Variants in ZNF680 observed in about 807,000 individuals in gnomAD.
ZNF680 encodes zinc finger protein 680.
In ZNF680, 6 loss-of-function variants were observed where a neutral mutation model predicts 12.1. The observed-to-expected ratio is 0.49, with a 90% CI of 0.27 to 0.98. The LOEUF (loss-of-function observed/expected upper bound fraction) is 0.98, where lower values mean the gene tolerates loss of function less well. Ranked by LOEUF, ZNF680 falls within the 50% of genes least tolerant of loss-of-function variation. The probability of loss-of-function intolerance (pLI) is 0.12; values close to 1 mark genes in which losing one functional copy is unlikely to be tolerated. For synonymous variants in ZNF680, 170 were observed against 199.3 expected, an observed-to-expected ratio of 0.85 and a Z score of 1.24; for missense variants, 561 against 616.3, an observed-to-expected ratio of 0.91 and a Z score of 0.95.
At chr7:64,526,164 T>C in intron 3 of ZNF680, 1 of 911,742 alleles carries the variant, frequency 1.1e-6, no homozygotes, top group Non-Finnish European at 1.3e-6. Flanking sequence ...AGTACATCAA[T>C]ATATTCATTA....
intron 3 of ZNF680, among the ~76,000 whole-genome samples, chr7:64,523,998 A>G (rs1019078431): frequency 6.6e-6 from 1 of 152,228 alleles, no homozygotes; most frequent in Non-Finnish European, 1.5e-5. Context: ...ACAGACTGAA[A>G]GTAGCAAGAC....
chr7:64,506,400 G>C, the ZNF680 span, among the ~76,000 whole-genome samples: 1 of 152,128 alleles, frequency 6.6e-6, no homozygotes, highest in Non-Finnish European at 1.5e-5. Context: ...GTGTTAGCCA[G>C]GATGGTCTCG....
the ZNF680 span, among the ~76,000 whole-genome samples, chr7:64,508,123 G>GTATATATATATATA: frequency 4.2e-3 from 489 of 117,648 alleles, 20 homozygotes; most frequent in East Asian, 0.021. Flanking sequence ...ATTTTAAAAT[G>GTATATATATATATA]TATATATATA....
In ZNF680 at chr7:64,553,954, G is replaced by A. The variant is rs574897281; in HGVS notation, c.30+8971C>T. On this transcript the variant is annotated intron_variant, in intron 1 of 3. Coordinates refer to ENST00000309683, the MANE Select transcript of ZNF680 (RefSeq NM_178558.5). The stretch of plus-strand genomic sequence containing the variant: ...TCGCTACAACCTCCACCTCCCAGCC[G>A]CCTGCCTTGGCCTCCCAAAGTGCCG... 2.0e-4 allele frequency among the ~76,000 whole-genome samples: 30 copies of A among 152,182 alleles called. 1 individual carries two copies. The East Asian group carries it at 3.9e-3, about 20-fold the overall frequency.
downstream of ZNF680, among the ~76,000 whole-genome samples, chr7:64,517,517 T>C (rs1791379655): frequency 6.6e-6 from 1 of 151,922 alleles, no homozygotes; most frequent in Non-Finnish European, 1.5e-5. Flanking sequence ...CTACCCAACA[T>C]TAAAAGGAAA....
At chr7:64,548,810 C>T (rs1337348942) in intron 1 of ZNF680, among the ~76,000 whole-genome samples, 1 of 151,938 alleles carries the variant, frequency 6.6e-6, no homozygotes, top group Non-Finnish European at 1.5e-5. Context: ...GCAGGAGAGA[C>T]TCAGGGTGAT....
the ZNF680 span, chr7:64,501,461 T>C: frequency 3.3e-6 from 3 of 911,754 alleles, no homozygotes; most frequent in East Asian, 7.7e-5. Context: ...CTGGAAAACC[T>C]GGAAAAATTT....
intron 3 of ZNF680, among the ~76,000 whole-genome samples, chr7:64,533,327 A>G (rs111875987): frequency 0.026 from 3,899 of 152,318 alleles, 104 homozygotes; most frequent in African/African-American, 0.056. Context: ...GTTTCCAGGT[A>G]TAAGATTAAT....
chr7:64,551,378 G>C (rs1162775360), intron 1 of ZNF680: 1 of 152,038 alleles, frequency 6.6e-6, no homozygotes, highest in Non-Finnish European at 1.5e-5. Context: ...CTGGTGGCTG[G>C]AGTTTTCTCT....
chr7:64,505,585 T>C, the ZNF680 span, among the ~76,000 whole-genome samples: 1 of 152,136 alleles, frequency 6.6e-6, no homozygotes, highest in Non-Finnish European at 1.5e-5. Context: ...CCCTTGTTGG[T>C]AGGCTATTGA....
At position 64,520,036 on chromosome 7, in the gene ZNF680, T is replaced by C. The variant is rs1791447824; in HGVS notation, c.*1125A>G. 6.6e-6 allele frequency: 1 copy of C among 151,808 alleles called. No homozygotes were observed. The highest frequency in any genetic ancestry group is 1.5e-5 in the Non-Finnish European group (1 of 67,716). 9.4% of individuals were successfully genotyped at this position (151,808 alleles called of 1,614,324 possible). ...TAAAGTAAAATTAAAAATGCTTTTC[T>C]CTATGATGCAGAATATTACTCCAAA... On this transcript the variant is annotated 3_prime_UTR_variant, in exon 4 of 4. Transcript: ENST00000309683.
chr7:64,501,081 A>C, the ZNF680 span: 4 of 912,672 alleles, frequency 4.4e-6, no homozygotes, highest in Admixed American at 3.8e-5. Context: ...ACCTGGCTGC[A>C]GAGCCAAAAG....
intron 3 of ZNF680, chr7:64,526,630 T>TAC (rs1303188916): frequency 1.5e-5 from 5 of 327,244 alleles, no homozygotes; most frequent in East Asian, 4.4e-5. Flanking sequence ...AATGTAAATA[T>TAC]ACACACACAC....
At chr7:64,501,492 G>A in the ZNF680 span, 1 of 827,422 alleles carries the variant, frequency 1.2e-6, no homozygotes, top group South Asian at 1.3e-5. Context: ...GAGCAAACAA[G>A]CAGTAGAGAT....
chr7:64,544,041 C>A (rs1786647388), intron 2 of ZNF680: 1 of 598,922 alleles, frequency 1.7e-6, no homozygotes, highest in South Asian at 2.3e-5. Context: ...AAGGTGTGGG[C>A]AACAACATTT....
Position 64,543,904 on chromosome 7 carries a change from A to G in ZNF680, c.158-102T>C. On this transcript the variant is annotated intron_variant, in intron 2 of 3. Coordinates refer to ENST00000309683, the MANE Select transcript of ZNF680 (RefSeq NM_178558.5). ...AGAATGTCATAGCATATTCTAGTAAATTAATCCCAAATTACTAATTTATAA... is the reference window on the plus strand; with the variant it reads ...AGAATGTCATAGCATATTCTAGTAAGTTAATCCCAAATTACTAATTTATAA... 4 of 951,484 alleles carry G rather than the reference A, an allele frequency of 4.2e-6. No homozygotes were observed. In the South Asian group the frequency reaches 4.7e-5, roughly 11 times the overall value. 58.9% of individuals were successfully genotyped at this position (951,484 alleles called of 1,614,324 possible). A position where few individuals can be genotyped will look rare whatever the true frequency, so the allele number is the denominator to read the frequency against.
the ZNF680 span, among the ~76,000 whole-genome samples, chr7:64,506,687 A>AT: frequency 6.6e-6 from 1 of 152,168 alleles, no homozygotes; most frequent in Non-Finnish European, 1.5e-5. Context: ...ATTTCTAAAA[A>AT]TTTTTTATTT....
chr7:64,504,354 ACT>A, the ZNF680 span, among the ~76,000 whole-genome samples: 313 of 152,328 alleles, frequency 2.1e-3, no homozygotes, highest in Admixed American at 3.1e-3. Context: ...CGTGCCAAAC[ACT>A]GTTATTTGGC....
the ZNF680 span, among the ~76,000 whole-genome samples, chr7:64,508,148 A>ATATATATATATATATATATATATATT: frequency 2.1e-5 from 2 of 95,364 alleles, no homozygotes; most frequent in African/African-American, 1.1e-4. Flanking sequence ...TATATACATA[A>ATATATATATATATATATATATATATT]TTTTTTTTTT....
Sources: gnomAD v4.1 joint callset for allele counts (sites outside exome capture counted in the v4.1 genomes callset) on GRCh38, gnomAD v4.1.1 for gene constraint, MANE v1.5 for transcripts, NCBI Gene and HGNC (gene_info 2026-07-23, HGNC 2026-07-21) for gene names.